NRXN3: variants seen among roughly 807,000 people sequenced by gnomAD.
The protein encoded by NRXN3 is neurexin 3.
A neutral mutation model predicts 137.6 loss-of-function variants in NRXN3; 32 were observed. The ratio of observed to expected loss-of-function variants is 0.23; its 90% CI spans 0.18 to 0.31. NRXN3 has a LOEUF of 0.31. Ranked by LOEUF, NRXN3 falls within the 10% of genes least tolerant of loss-of-function variation. The probability of loss-of-function intolerance (pLI) is 1.00; values close to 1 mark genes in which losing one functional copy is unlikely to be tolerated. For synonymous variants in NRXN3, 798 were observed against 784.5 expected, an observed-to-expected ratio of 1.02 and a Z score of -0.29; for missense variants, 1,574 against 2,062.5, an observed-to-expected ratio of 0.76 and a Z score of 4.59.
At chr14:78,861,358 A>G (rs1488924016) in intron 10 of NRXN3, among the ~76,000 whole-genome samples, 1 of 152,148 alleles carries the variant, frequency 6.6e-6, no homozygotes, top group Non-Finnish European at 1.5e-5. Flanking sequence ...ACATTGACAA[A>G]CATTTAAGCA....
intron 10 of NRXN3, among the ~76,000 whole-genome samples, chr14:78,823,967 ATGG>A (rs2098958700): frequency 1.3e-5 from 2 of 152,042 alleles, no homozygotes; most frequent in Admixed American, 1.3e-4. Context: ...TGGTCCAGAG[ATGG>A]TGGTTGGTTT....
chr14:79,814,755 G>A (rs951923307), intron 20 of NRXN3, among the ~76,000 whole-genome samples: 17 of 152,302 alleles, frequency 1.1e-4, no homozygotes, highest in Admixed American at 1.1e-3. Context: ...TAGTGAGGGA[G>A]CATCATTTCT....
chr14:79,775,969 A>T (rs2139961438), intron 19 of NRXN3, among the ~76,000 whole-genome samples: 1 of 151,430 alleles, frequency 6.6e-6, no homozygotes, highest in Non-Finnish European at 1.5e-5. Context: ...CATGGAGCCT[A>T]AAAAAAAGTA....
chr14:78,823,762 G>A (rs1192844507), intron 10 of NRXN3, among the ~76,000 whole-genome samples: 1 of 152,094 alleles, frequency 6.6e-6, no homozygotes, highest in African/African-American at 2.4e-5. Flanking sequence ...ACTATAGAAA[G>A]AGTCATGAAT....
intron 15 of NRXN3, among the ~76,000 whole-genome samples, chr14:79,439,225 C>T (rs187346666): frequency 1.1e-4 from 16 of 152,290 alleles, no homozygotes; most frequent in Admixed American, 5.9e-4. Context: ...GTTCAATTGA[C>T]ATTGTACTTA....
At chr14:78,320,870 A>C (rs60849072) in intron 4 of NRXN3, among the ~76,000 whole-genome samples, 36,574 of 151,814 alleles carry the variant, frequency 0.24, 4,897 homozygotes, top group East Asian at 0.39. Context: ...GTAATCCCAG[A>C]ACTTTGGGAG....
At chr14:78,762,684 G>A (rs986877999) in intron 8 of NRXN3, among the ~76,000 whole-genome samples, 3 of 152,156 alleles carry the variant, frequency 2.0e-5, no homozygotes, top group Admixed American at 6.6e-5. Context: ...AATAATTAAT[G>A]TAATAATACT....
intron 4 of NRXN3, among the ~76,000 whole-genome samples, chr14:78,471,291 AACACACACACACACACAC>A (rs553942003): frequency 1.0e-5 from 1 of 96,750 alleles, no homozygotes; most frequent in African/African-American, 4.0e-5. Context: ...CAACACACTC[AACACACACACACACACAC>A]ACACACACAC....
chr14:79,504,675 A>ATATATATATATATATATAT (rs1418274750), intron 16 of NRXN3, among the ~76,000 whole-genome samples: 81 of 142,024 alleles, frequency 5.7e-4, no homozygotes, highest in Non-Finnish European at 7.4e-4. Flanking sequence ...ATATATATAT[A>ATATATATATATATATATAT]AAACATTACA....
intron 15 of NRXN3, among the ~76,000 whole-genome samples, chr14:79,109,559 C>G (rs1322560923): frequency 6.6e-6 from 1 of 152,046 alleles, no homozygotes; most frequent in Non-Finnish European, 1.5e-5. Context: ...TTTTTCCAGG[C>G]TTGTGGGGAT....
At chr14:79,805,656 T>C (rs1397565962) in intron 20 of NRXN3, among the ~76,000 whole-genome samples, 1 of 152,192 alleles carries the variant, frequency 6.6e-6, no homozygotes, top group Non-Finnish European at 1.5e-5. Context: ...TCATGAATTA[T>C]TCTGAGCTAA....
In NRXN3 at chr14:79,126,307, C is replaced by T. The variant is rs549277640; in HGVS notation, c.3262+138166C>T. On this transcript the variant is annotated intron_variant, in intron 15 of 20. Transcript: ENST00000335750. The stretch of plus-strand genomic sequence containing the variant: ...GTCATCTAGCATTAGGTATATCTCC[C>T]AATGCTATCCCTCCCCCCCGCCCCA... Among the ~76,000 whole-genome samples, 191 of 151,788 alleles carry T rather than the reference C, an allele frequency of 1.3e-3. 1 individual carries two copies. Among genetic ancestry groups the T allele is most frequent in the Non-Finnish European group, 2.4e-3 (166 of 67,960 alleles).
chr14:79,077,947 T>C (rs1204066141), intron 15 of NRXN3, among the ~76,000 whole-genome samples: 2 of 152,182 alleles, frequency 1.3e-5, no homozygotes, highest in Non-Finnish European at 2.9e-5. Context: ...TCAGTTGTTT[T>C]ATAGACAAGT....
intron 19 of NRXN3, among the ~76,000 whole-genome samples, chr14:79,719,515 G>A (rs1603449272): frequency 6.6e-6 from 1 of 151,446 alleles, no homozygotes; most frequent in East Asian, 1.9e-4. Context: ...GTCCCCAGAT[G>A]AGGACACTCT....
chr14:78,801,796 C>A (rs1298462519), intron 8 of NRXN3, among the ~76,000 whole-genome samples: 1 of 152,158 alleles, frequency 6.6e-6, no homozygotes, highest in East Asian at 1.9e-4. Context: ...TCATTACAAA[C>A]CCTACCCATC....
chr14:79,596,564 C>T (rs1354377575), intron 16 of NRXN3, among the ~76,000 whole-genome samples: 1 of 145,902 alleles, frequency 6.9e-6, no homozygotes, highest in Non-Finnish European at 1.5e-5. Flanking sequence ...GGGCTTCTGG[C>T]CAATTTTTGG....
chr14:78,335,697 G>A (rs2081380567), intron 4 of NRXN3, among the ~76,000 whole-genome samples: 1 of 152,168 alleles, frequency 6.6e-6, no homozygotes, highest in African/African-American at 2.4e-5. Context: ...TGAGCATAAA[G>A]GGGAAGTGTT....
At chr14:78,389,056 C>CTTT (rs5809885) in intron 4 of NRXN3, among the ~76,000 whole-genome samples, 5 of 135,606 alleles carry the variant, frequency 3.7e-5, no homozygotes, top group African/African-American at 5.6e-5. Flanking sequence ...GTTTAAGTTT[C>CTTT]TTTTTTTTTT....
At chr14:79,589,675 A>G (rs1348701044) in intron 16 of NRXN3, among the ~76,000 whole-genome samples, 3 of 151,972 alleles carry the variant, frequency 2.0e-5, no homozygotes, top group Non-Finnish European at 2.9e-5. Flanking sequence ...CTCTTGCTGC[A>G]GAAGACATTA....
Sources: gnomAD v4.1 joint callset for allele counts (sites outside exome capture counted in the v4.1 genomes callset) on GRCh38, gnomAD v4.1.1 for gene constraint, MANE v1.5 for transcripts, NCBI Gene and HGNC (gene_info 2026-07-23, HGNC 2026-07-21) for gene names.